CYP26B1: variants seen among roughly 807,000 people sequenced by gnomAD.
CYP26B1 encodes cytochrome P450 26B1.
CYP26B1 carries 8 observed loss-of-function variants against 39.1 expected under a neutral mutation model. That is an observed-to-expected ratio of 0.20 (90% confidence interval 0.12 to 0.37). CYP26B1 has a LOEUF of 0.37. Among genes scored for constraint, CYP26B1 ranks in the 10% least tolerant of loss-of-function variants. The probability of loss-of-function intolerance (pLI) is 1.00; values close to 1 mark genes in which losing one functional copy is unlikely to be tolerated. For synonymous variants in CYP26B1, 321 were observed against 314.3 expected, an observed-to-expected ratio of 1.02 and a Z score of -0.23; for missense variants, 615 against 707.0, an observed-to-expected ratio of 0.87 and a Z score of 1.48.
chr2:72,144,550 C>G, intron 1 of CYP26B1: 1 of 1,085,802 alleles, frequency 9.2e-7, no homozygotes. Flanking sequence ...ACCCCCACCC[C>G]GCGCTCGGGA....
chr2:72,134,996 C>T, intron 3 of CYP26B1, 80 bp from the exon 4 acceptor site: 1 of 1,603,376 alleles, frequency 6.2e-7, no homozygotes, highest in Non-Finnish European at 8.5e-7. Context: ...CGACTCCAGC[C>T]TCCTCCTACC....
chr2:72,134,698 G>C (rs1676704302), intron 4 of CYP26B1, 63 bp downstream of exon 4: 1 of 1,566,392 alleles, frequency 6.4e-7, no homozygotes, highest in African/African-American at 1.4e-5. Context: ...TTTCCACCCA[G>C]GGAAAGCTCA....
intron 1 of CYP26B1, among the ~76,000 whole-genome samples, chr2:72,144,754 A>C (rs1466118820): frequency 1.3e-5 from 2 of 152,178 alleles, no homozygotes; most frequent in African/African-American, 2.4e-5. Context: ...AGGACTCTGC[A>C]GGGCGGGGTC....
At chr2:72,145,479 G>A (rs72846408) in intron 1 of CYP26B1, among the ~76,000 whole-genome samples, 261 of 152,282 alleles carry the variant, frequency 1.7e-3, no homozygotes, top group Non-Finnish European at 2.3e-3. Context: ...TCCCCCTGCC[G>A]TGCAGCCCTT....
At chr2:72,140,455 G>A (rs1010362901) in intron 2 of CYP26B1, among the ~76,000 whole-genome samples, 15 of 152,280 alleles carry the variant, frequency 9.9e-5, no homozygotes, top group Non-Finnish European at 2.2e-4. Context: ...CCAAGGGGCT[G>A]GGGCAGAGCT....
At chr2:72,135,672 C>T (rs889997180) in intron 2 of CYP26B1, among the ~76,000 whole-genome samples, 6 of 152,134 alleles carry the variant, frequency 3.9e-5, no homozygotes, top group Admixed American at 6.5e-5. Context: ...TTCGGAATCC[C>T]GGGACACAGG....
Position 72,147,539 on chromosome 2 carries a change from C to T in CYP26B1, c.204+92G>A. ...CGGGGCGGGGACCAGTGCCTTCAGG[C>T]TCCCGGCGCCCCCTGGCCGGCCCGC... On this transcript the variant is annotated intron_variant, in intron 1 of 5. Transcript: ENST00000001146. This position sits in a 1 kb window ranked among gnomAD's most constrained non-coding sequence, Gnocchi z 6.1. 2.3e-6 allele frequency: 3 copies of T among 1,324,940 alleles called. No homozygotes were observed. The South Asian group carries it at 4.4e-5, about 20-fold the overall frequency. 82.1% of individuals were successfully genotyped at this position (1,324,940 alleles called of 1,614,324 possible).
chr2:72,141,726 A>C (rs1033698996), intron 2 of CYP26B1, among the ~76,000 whole-genome samples: 3 of 152,242 alleles, frequency 2.0e-5, no homozygotes, highest in Non-Finnish European at 4.4e-5. Flanking sequence ...ATATTTAGAA[A>C]CAGTGGCCCT....
chr2:72,133,227 C>A lies in CYP26B1; in HGVS notation c.942G>T (p.Lys314Asn). 3.1e-6 allele frequency: 5 copies of A among 1,612,204 alleles called. No individual in the cohort carries two copies. The highest frequency in any genetic ancestry group is 4.2e-6 in the Non-Finnish European group (5 of 1,179,722). ...GCAGCTTCTCCAGCACAGTGGGGTG[C>A]TTCAGCAGCTGCATGATGAGTGAGG... ...ASTSLIMQLL[K>N]HPTVLEKLRD... The change falls in exon 5 of 6, where the codon AAG (lysine) becomes AAT (asparagine). Residue 314 changes from lysine to asparagine, a missense_variant. Transcript: ENST00000001146.
At chr2:72,141,729 G>C (rs1676948141) in intron 2 of CYP26B1, among the ~76,000 whole-genome samples, 1 of 152,252 alleles carries the variant, frequency 6.6e-6, no homozygotes, top group Admixed American at 6.5e-5. Flanking sequence ...TTTAGAAACA[G>C]TGGCCCTGAG....
rs1222477103 is a variant in CYP26B1 at position 72,132,096 on chromosome 2, G to T, written c.*131C>A. On this transcript the variant is annotated 3_prime_UTR_variant, in exon 6 of 6. Coordinates refer to ENST00000001146, the MANE Select transcript of CYP26B1 (RefSeq NM_019885.4). ...GGCTTTGGGTAGGGTTTGCCAGGGAGGGGGAGCAAGGGAGGGCAAGTATGG... is the reference window on the plus strand; with the variant it reads ...GGCTTTGGGTAGGGTTTGCCAGGGATGGGGAGCAAGGGAGGGCAAGTATGG... The T allele has an allele frequency of 2.8e-6, 3 of 1,071,494 alleles. No individual in the cohort carries two copies. The highest frequency in any genetic ancestry group is 2.6e-5 in the East Asian group (1 of 38,300). 66.4% of individuals were successfully genotyped at this position (1,071,494 alleles called of 1,614,324 possible).
intron 2 of CYP26B1, among the ~76,000 whole-genome samples, chr2:72,137,772 G>A (rs571763463): frequency 7.2e-4 from 110 of 152,312 alleles, no homozygotes; most frequent in African/African-American, 2.4e-3. Context: ...AGGACTCCAA[G>A]GGCAGGGGTC....
At chr2:72,144,403 TA>T in intron 1 of CYP26B1, 190 bp from the exon 2 acceptor site, 1 of 1,396,898 alleles carries the variant, frequency 7.2e-7, no homozygotes, top group South Asian at 1.8e-5. Context: ...GCCTAGAGGA[TA>T]ATAAATAATG....
chr2:72,142,104 C>A lies in CYP26B1; in HGVS notation c.429+1885G>T, dbSNP rs556940694. Among the ~76,000 whole-genome samples the A allele has an allele frequency of 2.0e-5, 3 of 151,988 alleles. No homozygotes were observed. The East Asian group carries it at 5.8e-4, about 30-fold the overall frequency. On this transcript the variant is annotated intron_variant, in intron 2 of 5. Coordinates refer to ENST00000001146, the MANE Select transcript of CYP26B1 (RefSeq NM_019885.4). ...CCCCAGCATCCCCCCTTCCCCCCAC[C>A]GCATTCCTGAGGCGGGTCATCTGCA...
intron 1 of CYP26B1, among the ~76,000 whole-genome samples, chr2:72,144,846 G>A (rs1558972579): frequency 6.6e-6 from 1 of 152,176 alleles, no homozygotes; most frequent in Non-Finnish European, 1.5e-5. Context: ...CCTGGAGTTT[G>A]GAACCCGAGC....
intron 2 of CYP26B1, among the ~76,000 whole-genome samples, chr2:72,136,631 G>A (rs1676786393): frequency 6.6e-6 from 1 of 152,264 alleles, no homozygotes; most frequent in South Asian, 2.1e-4. Flanking sequence ...ACAGCTGAGA[G>A]GTAGAAGGAC....
chr2:72,138,601 C>G (rs977672525), intron 2 of CYP26B1, among the ~76,000 whole-genome samples: 1 of 152,226 alleles, frequency 6.6e-6, no homozygotes, highest in African/African-American at 2.4e-5. Flanking sequence ...TGGGAGCCAG[C>G]CCAGGCTCAG....
At position 72,147,558 on chromosome 2, in the gene CYP26B1, G is replaced by C. The variant is rs1054533099; in HGVS notation, c.204+73C>G. ...TTCAGGCTCCCGGCGCCCCCTGGCC[G>C]GCCCGCCGCTCCGTCTGCCCCGCGC... On this transcript the variant is annotated intron_variant, in intron 1 of 5. Coordinates refer to ENST00000001146, the MANE Select transcript of CYP26B1 (RefSeq NM_019885.4). The surrounding 1 kb of genome is among the most constrained non-coding windows in gnomAD (Gnocchi z 6.1). The C allele has an allele frequency of 4.1e-5, 59 of 1,451,718 alleles. No individual in the cohort carries two copies. Among genetic ancestry groups the C allele is most frequent in the Admixed American group, 1.1e-4 (5 of 43,946 alleles). 89.9% of individuals were successfully genotyped at this position (1,451,718 alleles called of 1,614,324 possible).
chr2:72,145,280 A>G lies in CYP26B1; in HGVS notation c.205-1067T>C, dbSNP rs1254227586. ...CTTTTTTCCACAGAAAACTACTTCCAGCTAAATGTGCACACACGCCAGTAC... is the reference window on the plus strand; with the variant it reads ...CTTTTTTCCACAGAAAACTACTTCCGGCTAAATGTGCACACACGCCAGTAC... On this transcript the variant is annotated intron_variant, in intron 1 of 5. Transcript: ENST00000001146. 3.9e-5 allele frequency among the ~76,000 whole-genome samples: 6 copies of G among 152,228 alleles called. No individual in the cohort carries two copies. In the East Asian group the frequency reaches 9.7e-4, roughly 25 times the overall value.
Sources: gnomAD v4.1 joint callset for allele counts (sites outside exome capture counted in the v4.1 genomes callset) on GRCh38, gnomAD v4.1.1 for gene constraint, Gnocchi (gnomAD v3.1) non-coding constraint, MANE v1.5 for transcripts, NCBI Gene and HGNC (gene_info 2026-07-23, HGNC 2026-07-21) for gene names.